The following ANK2 variants were observed in gnomAD, a reference collection of about 807,000 sequenced individuals.
ANK2 encodes the protein ankyrin 2.
ANK2 carries 83 observed loss-of-function variants against 360.5 expected under a neutral mutation model. That is an observed-to-expected ratio of 0.23 (90% CI 0.19 to 0.28). ANK2 has a LOEUF of 0.28. ANK2 is among the 10% of genes least tolerant of loss of function. ANK2 has a pLI of 1.00. For synonymous variants in ANK2, 1,740 were observed against 1,759.5 expected, an observed-to-expected ratio of 0.99 and a Z score of 0.28; for missense variants, 4,201 against 4,795.7, an observed-to-expected ratio of 0.88 and a Z score of 3.66.
At chr4:112,924,799 C>G (rs1056793238) in intron 2 of ANK2, among the ~76,000 whole-genome samples, 2 of 147,874 alleles carry the variant, frequency 1.4e-5, no homozygotes, top group African/African-American at 2.5e-5. Context: ...TTTCTTCATA[C>G]TTTAATTTCA....
intron 14 of ANK2, among the ~76,000 whole-genome samples, chr4:113,272,755 T>G (rs1250538904): frequency 5.3e-5 from 8 of 152,176 alleles, no homozygotes; most frequent in Admixed American, 3.3e-4. Context: ...AGAGTCATCA[T>G]TGCTCCAACT....
At chr4:113,381,054 T>G (rs2097155413) in intron 45 of ANK2, among the ~76,000 whole-genome samples, 1 of 152,128 alleles carries the variant, frequency 6.6e-6, no homozygotes, top group African/African-American at 2.4e-5. Context: ...TAAAAAAAGG[T>G]TTTTTTAGCC....
intron 1 of ANK2, among the ~76,000 whole-genome samples, chr4:113,059,225 T>C (rs2071815215): frequency 6.6e-6 from 1 of 152,208 alleles, no homozygotes; most frequent in Non-Finnish European, 1.5e-5. Context: ...TCTGCTTTAA[T>C]GTTCTCCCAT....
chr4:112,982,530 A>G (rs1386123438), intron 2 of ANK2, among the ~76,000 whole-genome samples: 1 of 152,222 alleles, frequency 6.6e-6, no homozygotes, highest in Non-Finnish European at 1.5e-5. Context: ...GAGTTGATAC[A>G]AGAAATTTAA....
At chr4:113,138,828 A>G (rs1455686648) in intron 1 of ANK2, among the ~76,000 whole-genome samples, 1 of 152,236 alleles carries the variant, frequency 6.6e-6, no homozygotes, top group Non-Finnish European at 1.5e-5. Context: ...CTCTAGGGTG[A>G]GTATACAAAC....
At chr4:112,962,319 A>T (rs1423221134) in intron 2 of ANK2, among the ~76,000 whole-genome samples, 1 of 152,036 alleles carries the variant, frequency 6.6e-6, no homozygotes, top group Non-Finnish European at 1.5e-5. Flanking sequence ...GCCTATGCTG[A>T]TTCACTTAGG....
chr4:113,297,097 G>C (rs2072042732), intron 22 of ANK2, among the ~76,000 whole-genome samples: 1 of 152,098 alleles, frequency 6.6e-6, no homozygotes, highest in East Asian at 1.9e-4. Context: ...AGGGGATAGA[G>C]GAGTTGTCTA....
chr4:112,780,374 G>A, the ANK2 span, among the ~76,000 whole-genome samples: 7 of 152,058 alleles, frequency 4.6e-5, no homozygotes, highest in African/African-American at 7.2e-5. Context: ...CCAGTAAGAC[G>A]CTTTTGTTTC....
At chr4:113,025,078 T>C (rs2058980690) in intron 2 of ANK2, among the ~76,000 whole-genome samples, 1 of 152,146 alleles carries the variant, frequency 6.6e-6, no homozygotes, top group Non-Finnish European at 1.5e-5. Context: ...ATCTTTTTTT[T>C]TCTAATTCTT....
At chr4:113,069,336 T>C (rs1447116296) in intron 1 of ANK2, among the ~76,000 whole-genome samples, 1 of 152,164 alleles carries the variant, frequency 6.6e-6, no homozygotes, top group Non-Finnish European at 1.5e-5. Flanking sequence ...TGGCACGAAC[T>C]ACCAAATCAG....
chr4:112,791,101 TTGGATTAC>T, the ANK2 span, among the ~76,000 whole-genome samples: 1 of 152,078 alleles, frequency 6.6e-6, no homozygotes, highest in Non-Finnish European at 1.5e-5. Context: ...AAGGCAGAAG[TTGGATTAC>T]TGGGTGGAGG....
intron 45 of ANK2, chr4:113,374,894 G>C (rs762033287): frequency 8.0e-7 from 1 of 1,255,394 alleles, no homozygotes; most frequent in South Asian, 1.4e-5. Context: ...AAACATCTGG[G>C]GGATTCTAGT....
At chr4:113,025,522 A>G (rs116697825) in intron 2 of ANK2, among the ~76,000 whole-genome samples, 141 of 152,282 alleles carry the variant, frequency 9.3e-4, no homozygotes, top group African/African-American at 3.2e-3. Flanking sequence ...CTGGCACATA[A>G]TGTTCCTTCT....
chr4:112,916,534 C>A (rs938472333), intron 2 of ANK2, among the ~76,000 whole-genome samples: 18 of 152,134 alleles, frequency 1.2e-4, no homozygotes, highest in Non-Finnish European at 2.6e-4. Flanking sequence ...TTAAGTATTT[C>A]AATGAAACAT....
the ANK2 span, among the ~76,000 whole-genome samples, chr4:112,735,361 A>G: frequency 1.3e-5 from 2 of 151,920 alleles, no homozygotes; most frequent in African/African-American, 2.4e-5. Flanking sequence ...AAAATAAAAT[A>G]TAAAATTCCC....
At chr4:113,239,218 A>T (rs189588119) in intron 7 of ANK2, among the ~76,000 whole-genome samples, 38 of 152,264 alleles carry the variant, frequency 2.5e-4, no homozygotes, top group African/African-American at 8.7e-4. Context: ...GATTAATAGT[A>T]ACTGTTCTTA....
At chr4:113,204,681 C>T (rs941052111) in intron 4 of ANK2, among the ~76,000 whole-genome samples, 10 of 152,126 alleles carry the variant, frequency 6.6e-5, no homozygotes, top group African/African-American at 2.2e-4. Context: ...GTCATTGGTA[C>T]GGACACCTTC....
chr4:113,176,232 G>A (rs2098193371), intron 2 of ANK2, among the ~76,000 whole-genome samples: 1 of 152,204 alleles, frequency 6.6e-6, no homozygotes, highest in Non-Finnish European at 1.5e-5. Flanking sequence ...CTTTTGCTCT[G>A]AATTACAACG....
chr4:113,276,592 G>A (rs1419287202), intron 15 of ANK2, among the ~76,000 whole-genome samples: 1 of 152,106 alleles, frequency 6.6e-6, no homozygotes, highest in Non-Finnish European at 1.5e-5. Flanking sequence ...AGGGAGGAGA[G>A]CTCTAACCAC....
Sources: gnomAD v4.1 joint callset for allele counts (sites outside exome capture counted in the v4.1 genomes callset) on GRCh38, gnomAD v4.1.1 for gene constraint, MANE v1.5 for transcripts, NCBI Gene and HGNC (gene_info 2026-07-23, HGNC 2026-07-21) for gene names.